Variants in NTSR1 observed in about 807,000 individuals in gnomAD.
NTSR1 encodes neurotensin receptor type 1.
Under a neutral mutation model 31.2 loss-of-function variants are expected in NTSR1, and 29 were observed. The observed-to-expected ratio is 0.93, with a 90% CI of 0.69 to 1.27. The LOEUF is 1.27. Among genes scored for constraint, NTSR1 ranks in the 50% most tolerant of loss-of-function variants. The probability of loss-of-function intolerance (pLI) is 0.00; values close to 1 mark genes in which losing one functional copy is unlikely to be tolerated. For missense variants in NTSR1, 697 were observed against 595.4 expected (o/e 1.17, Z -1.78); for synonymous variants, 282 against 269.9 (o/e 1.04, Z -0.44).
Position 62,710,110 on chromosome 20 carries a change from C to T in NTSR1, c.714+189C>T, listed in dbSNP as rs3746779. ...CCAGGCTCAGCCCCTATCTTCTTCCCTCCTGTTGAGGGGATGGAGCCCCTG... is the reference window on the plus strand; with the variant it reads ...CCAGGCTCAGCCCCTATCTTCTTCCTTCCTGTTGAGGGGATGGAGCCCCTG... On this transcript the variant is annotated intron_variant, in intron 1 of 3. Transcript: ENST00000370501. 2.0e-5 allele frequency among the ~76,000 whole-genome samples: 3 copies of T among 152,240 alleles called. No individual in the cohort carries two copies. The East Asian group carries it at 5.8e-4, about 29-fold the overall frequency.
Position 62,754,846 on chromosome 20 carries a change from TGGCAGGGTCCAGGCCCTGC to T in NTSR1, c.881_899del (p.Arg294ThrfsTer49), listed in dbSNP as rs757048794. On this transcript the variant is annotated frameshift_variant, in exon 2 of 4. Transcript: ENST00000370501. LOFTEE classifies it high-confidence loss of function. Reference sequence around the variant, plus strand: ...GCACATTCAGCATGGCCATCGAGCCTGGCAGGGTCCAGGCCCTGCGGCACGGCGTGCGCGTCCTACGTAC... The same window carrying T: ...GCACATTCAGCATGGCCATCGAGCCTGGCACGGCGTGCGCGTCCTACGTAC... 9 of 1,607,096 alleles carry T rather than the reference TGGCAGGGTCCAGGCCCTGC, an allele frequency of 5.6e-6. No individual in the cohort carries two copies. The highest frequency in any genetic ancestry group is 1.6e-4 in the Middle Eastern group (1 of 6,076).
At chr20:62,737,386 G>A (rs1989115013) in intron 1 of NTSR1, among the ~76,000 whole-genome samples, 1 of 152,168 alleles carries the variant, frequency 6.6e-6, no homozygotes, top group African/African-American at 2.4e-5. Context: ...CCCCACCCTA[G>A]GATGCGTGTC....
chr20:62,736,231 G>A (rs1385028944), intron 1 of NTSR1, among the ~76,000 whole-genome samples: 1 of 152,204 alleles, frequency 6.6e-6, no homozygotes, highest in Non-Finnish European at 1.5e-5. Flanking sequence ...ATGGAGCAGG[G>A]CGGGAAGGGA....
At chr20:62,729,626 ATTTTTTT>A (rs36003279) in intron 1 of NTSR1, among the ~76,000 whole-genome samples, 3 of 122,786 alleles carry the variant, frequency 2.4e-5, no homozygotes, top group Admixed American at 8.2e-5. Context: ...GGGGTTTCTA[ATTTTTTT>A]TTTTTTTTTT....
chr20:62,751,630 G>C (rs1329077714), intron 1 of NTSR1, among the ~76,000 whole-genome samples: 1 of 152,244 alleles, frequency 6.6e-6, no homozygotes, highest in Non-Finnish European at 1.5e-5. Flanking sequence ...AAGGTTTGGG[G>C]CTGGCCCTCA....
intron 1 of NTSR1, among the ~76,000 whole-genome samples, chr20:62,750,618 G>A (rs891751400): frequency 6.6e-6 from 1 of 150,928 alleles, no homozygotes; most frequent in African/African-American, 2.4e-5. Context: ...GTGAACCCGG[G>A]AGGCGGAGAT....
rs1989627839 is a variant in NTSR1 at position 62,761,787 on chromosome 20, G to A, written c.*1520G>A. ...AGAGTCGAATGCTACAGTATCTGCAGTCGCTTGGATCTGGCTGTTGAGTTG... is the reference window on the plus strand; with the variant it reads ...AGAGTCGAATGCTACAGTATCTGCAATCGCTTGGATCTGGCTGTTGAGTTG... On this transcript the variant is annotated 3_prime_UTR_variant, in exon 4 of 4. Coordinates refer to ENST00000370501, the MANE Select transcript of NTSR1 (RefSeq NM_002531.3). 6.6e-6 allele frequency: 1 copy of A among 152,254 alleles called. No individual in the cohort carries two copies. The highest frequency in any genetic ancestry group is 2.1e-4 in the South Asian group (1 of 4,832). 9.4% of individuals were successfully genotyped at this position (152,254 alleles called of 1,614,324 possible). A position where few individuals can be genotyped will look rare whatever the true frequency, so the allele number is the denominator to read the frequency against.
rs970063149 is a variant in NTSR1, at chr20:62,714,015, G to C, written c.714+4094G>C. 6.6e-6 allele frequency among the ~76,000 whole-genome samples: 1 copy of C among 152,198 alleles called. No homozygotes were observed. The highest frequency in any genetic ancestry group is 6.5e-5 in the Admixed American group (1 of 15,286). ...CTTGGGAGGCTGAGGCAGGAGAATC[G>C]CTTGAGCTTGGGAGGCGGAGGTTGC... is the stretch of plus-strand genomic sequence containing the variant. On this transcript the variant is annotated intron_variant, in intron 1 of 3. Transcript: ENST00000370501. This position sits in a 1 kb window ranked among gnomAD's most constrained non-coding sequence, Gnocchi z 4.1.
chr20:62,720,807 T>C (rs1988816664), intron 1 of NTSR1, among the ~76,000 whole-genome samples: 1 of 152,222 alleles, frequency 6.6e-6, no homozygotes, highest in South Asian at 2.1e-4. Flanking sequence ...ATTAATGCTT[T>C]AGTGGCATCT....
chr20:62,719,118 T>A (rs1366403664), intron 1 of NTSR1, among the ~76,000 whole-genome samples: 1 of 86,438 alleles, frequency 1.2e-5, no homozygotes, highest in African/African-American at 3.4e-5. Flanking sequence ...CCTTTTTTTT[T>A]CTTTCAAAAA....
chr20:62,750,649 C>A (rs1989377128), intron 1 of NTSR1, among the ~76,000 whole-genome samples: 1 of 149,292 alleles, frequency 6.7e-6, no homozygotes, highest in East Asian at 2.0e-4. Context: ...CGAGATCATG[C>A]CACTGCACTC....
chr20:62,726,225 G>C (rs1474393441), intron 1 of NTSR1, among the ~76,000 whole-genome samples: 2 of 152,182 alleles, frequency 1.3e-5, no homozygotes, highest in Non-Finnish European at 2.9e-5. Flanking sequence ...GGATCACCTT[G>C]CAGAAACCCA....
intron 1 of NTSR1, among the ~76,000 whole-genome samples, chr20:62,718,608 C>T (rs1600719824): frequency 7.3e-6 from 1 of 136,330 alleles, no homozygotes; most frequent in Non-Finnish European, 1.5e-5. Flanking sequence ...TTTTCTGGGA[C>T]GTCGAGTGAA....
chr20:62,736,905 A>G (rs1019058908), intron 1 of NTSR1, among the ~76,000 whole-genome samples: 1 of 152,148 alleles, frequency 6.6e-6, no homozygotes, highest in South Asian at 2.1e-4. Context: ...ATCTCATGAG[A>G]TCTGATGGTT....
chr20:62,718,546 C>G (rs1452406329), intron 1 of NTSR1, among the ~76,000 whole-genome samples: 2 of 148,436 alleles, frequency 1.3e-5, no homozygotes, highest in African/African-American at 5.0e-5. Context: ...CCACCCGCCC[C>G]GATGCCCGCC....
In NTSR1 at chr20:62,711,471, C is replaced by A. The variant is rs1165397809; in HGVS notation, c.714+1550C>A. On this transcript the variant is annotated intron_variant, in intron 1 of 3. Transcript: ENST00000370501. The surrounding 1 kb of genome is among the most constrained non-coding windows in gnomAD (Gnocchi z 6.4). ...AGGGGCCCCAGGGGCGACAGCCACT[C>A]AGTCCTTCAGAAGGTGGGCAGTGGA... Among the ~76,000 whole-genome samples the A allele has an allele frequency of 6.6e-6, 1 of 152,102 alleles. No individual in the cohort carries two copies. The highest frequency in any genetic ancestry group is 1.5e-5 in the Non-Finnish European group (1 of 67,994).
chr20:62,718,025 G>C (rs1988763575), intron 1 of NTSR1, among the ~76,000 whole-genome samples: 1 of 152,158 alleles, frequency 6.6e-6, no homozygotes, highest in East Asian at 1.9e-4. Flanking sequence ...GCCAGGTAGG[G>C]GAACAGCAGG....
At chr20:62,717,000 A>G (rs989670892) in intron 1 of NTSR1, among the ~76,000 whole-genome samples, 4 of 152,344 alleles carry the variant, frequency 2.6e-5, no homozygotes, top group African/African-American at 9.6e-5. Flanking sequence ...GTCCCCGTCC[A>G]TGTGTCACCC....
chr20:62,716,143 ACCT>A (rs964434334), intron 1 of NTSR1, among the ~76,000 whole-genome samples: 1 of 152,012 alleles, frequency 6.6e-6, no homozygotes, highest in African/African-American at 2.4e-5. Context: ...GCCACCATCC[ACCT>A]CCAGAACCTT....
Sources: gnomAD v4.1 joint callset for allele counts (sites outside exome capture counted in the v4.1 genomes callset) on GRCh38, gnomAD v4.1.1 for gene constraint, Gnocchi (gnomAD v3.1) non-coding constraint, MANE v1.5 for transcripts, NCBI Gene and HGNC (gene_info 2026-07-23, HGNC 2026-07-21) for gene names.